CELSR1: variants seen among roughly 807,000 people sequenced by gnomAD.
The protein encoded by CELSR1 is adhesion G protein-coupled receptor C1.
In CELSR1, 110 loss-of-function variants were observed where a neutral mutation model predicts 249.1. The ratio of observed to expected loss-of-function variants is 0.44; its 90% CI spans 0.38 to 0.52. The LOEUF is 0.52. Among genes scored for constraint, CELSR1 ranks in the 20% least tolerant of loss-of-function variants. The probability of loss-of-function intolerance (pLI) is 0.00; values close to 1 mark genes in which losing one functional copy is unlikely to be tolerated. For missense variants in CELSR1, 4,109 were observed against 4,296.4 expected (o/e 0.96, Z 1.22); for synonymous variants, 2,113 against 1,900.0 (o/e 1.11, Z -2.92).
chr22:46,372,168 C>A, intron 25 of CELSR1, among the ~76,000 whole-genome samples: 1 of 151,130 alleles, frequency 6.6e-6, no homozygotes, highest in Non-Finnish European at 1.5e-5. Context: ...TACCCACTCA[C>A]TCACCCCTCA....
chr22:46,457,096 C>T (rs1375578720), intron 2 of CELSR1, among the ~76,000 whole-genome samples: 2 of 152,194 alleles, frequency 1.3e-5, no homozygotes, highest in Admixed American at 6.5e-5. Context: ...ACAGGGCCCA[C>T]AGCACTTTGG....
chr22:46,384,385 C>A (rs1421955545), intron 20 of CELSR1, among the ~76,000 whole-genome samples, 158 bp downstream of exon 20: 2 of 152,238 alleles, frequency 1.3e-5, no homozygotes, highest in African/African-American at 4.8e-5. Flanking sequence ...TTGAACAAAA[C>A]AACCTGCTGT....
At chr22:46,370,182 T>C (rs1388890962) in intron 25 of CELSR1, 3 of 461,898 alleles carry the variant, frequency 6.5e-6, no homozygotes, top group Admixed American at 2.4e-5. Context: ...CAGGAGGCCA[T>C]GATGGACCCA....
intron 1 of CELSR1, among the ~76,000 whole-genome samples, chr22:46,491,420 T>C (rs2080366084): frequency 6.6e-6 from 1 of 151,348 alleles, no homozygotes; most frequent in Non-Finnish European, 1.5e-5. Flanking sequence ...TCCACCACCA[T>C]ACCTGGCTAA....
intron 26 of CELSR1, 41 bp from the exon 27 acceptor site, chr22:46,369,299 A>C: frequency 6.5e-6 from 1 of 152,818 alleles, no homozygotes; most frequent in Admixed American, 9.6e-5. Context: ...CTCTCTCGTC[A>C]CTGCAGACCT....
At chr22:46,522,351 T>A (rs1358180340) in intron 1 of CELSR1, among the ~76,000 whole-genome samples, 1 of 152,152 alleles carries the variant, frequency 6.6e-6, no homozygotes, top group Non-Finnish European at 1.5e-5. Context: ...GCTCAAGCAA[T>A]CCTCCTGCCT....
chr22:46,392,918 C>A (rs993615363), intron 14 of CELSR1, among the ~76,000 whole-genome samples: 1 of 152,188 alleles, frequency 6.6e-6, no homozygotes, highest in African/African-American at 2.4e-5. Flanking sequence ...TCCCCATGTT[C>A]TCTCTGCTCT....
intron 5 of CELSR1, among the ~76,000 whole-genome samples, chr22:46,426,145 G>A (rs1042531149): frequency 6.6e-6 from 1 of 152,248 alleles, no homozygotes; most frequent in African/African-American, 2.4e-5. Context: ...GGGCGCAGCC[G>A]GGGAGGGGGC....
In CELSR1 at chr22:46,430,262, C is replaced by T. The variant is rs2079579616; in HGVS notation, c.4611+3131G>A. 6.6e-6 allele frequency among the ~76,000 whole-genome samples: 1 copy of T among 152,218 alleles called. No homozygotes were observed. The highest frequency in any genetic ancestry group is 1.5e-5 in the Non-Finnish European group (1 of 68,044). ...CAATGCTTCCACCCTCTCCAGACTG[C>T]TGTATGCTGAATTTTTTCAAGTATG... On this transcript the variant is annotated intron_variant, in intron 5 of 34. Transcript: ENST00000674500. This position sits in a 1 kb window ranked among gnomAD's most constrained non-coding sequence, Gnocchi z 4.6.
rs185740536 is a variant in CELSR1 at position 46,507,801 on chromosome 22, G to A, written c.3544+25826C>T. Among the ~76,000 whole-genome samples, 551 of 152,286 alleles carry A rather than the reference G, an allele frequency of 3.6e-3. 5 individuals are homozygous for A. The highest frequency in any genetic ancestry group is 0.013 in the African/African-American group (527 of 41,566). ...TACAGGTGAGCACTGTGAAGCCGGC[G>A]AGCCTGCCTCTTTCCCAGAACCTAA... On this transcript the variant is annotated intron_variant, in intron 1 of 34. Coordinates refer to ENST00000674500, the MANE Select transcript of CELSR1 (RefSeq NM_001378328.1).
At chr22:46,443,073 G>C (rs1037491965) in intron 2 of CELSR1, among the ~76,000 whole-genome samples, 8 of 152,042 alleles carry the variant, frequency 5.3e-5, no homozygotes, top group African/African-American at 1.7e-4. Context: ...ACTCCAGCCT[G>C]GGGGACAGAG....
chr22:46,521,434 G>A (rs1222295122), intron 1 of CELSR1, among the ~76,000 whole-genome samples: 1 of 152,036 alleles, frequency 6.6e-6, no homozygotes, highest in Non-Finnish European at 1.5e-5. Context: ...GAACCCGGGA[G>A]GCGGAGCTTG....
At chr22:46,462,469 C>T (rs1341484658) in intron 2 of CELSR1, among the ~76,000 whole-genome samples, 1 of 152,152 alleles carries the variant, frequency 6.6e-6, no homozygotes, top group East Asian at 1.9e-4. Flanking sequence ...TAAATACCTG[C>T]TAATACCTCA....
At position 46,537,051 on chromosome 22, in the gene CELSR1, G is replaced by T. The variant is rs1468328680; in HGVS notation, c.120C>A (p.Arg40=). The T allele has an allele frequency of 2.8e-6, 3 of 1,085,416 alleles. No homozygotes were observed. In the East Asian group the frequency reaches 2.1e-4, roughly 75 times the overall value. The allele number at this position is 1,085,416 out of a possible 1,614,324, so 67.2% of individuals were successfully genotyped here. A position where few individuals can be genotyped will look rare whatever the true frequency, so the allele number is the denominator to read the frequency against. Residue 40 remains arginine, a synonymous_variant, in exon 1 of 35, where the codon CGC becomes CGA. Transcript: ENST00000674500. This position sits in a 1 kb window ranked among gnomAD's most constrained non-coding sequence, Gnocchi z 5.8. ...AWEPRVPGGT[R]AFALRPGCTY... The stretch of plus-strand genomic sequence containing the variant: ...TACAGCCGGGCCGGAGGGCGAAGGC[G>T]CGGGTCCCGCCGGGTACGCGCGGCT...
At chr22:46,378,268 C>T (rs1006584539) in intron 23 of CELSR1, among the ~76,000 whole-genome samples, 2 of 152,172 alleles carry the variant, frequency 1.3e-5, no homozygotes, top group Middle Eastern at 3.4e-3. Context: ...GGGCAGGTTC[C>T]GAGAGCTCCT....
chr22:46,445,479 A>G lies in CELSR1; in HGVS notation c.4184-6068T>C, dbSNP rs1470324026. 1.3e-5 allele frequency among the ~76,000 whole-genome samples: 2 copies of G among 152,196 alleles called. No homozygotes were observed. Among genetic ancestry groups the G allele is most frequent in the African/African-American group, 4.8e-5 (2 of 41,444 alleles). ...CATTGCACTCCAGCCTGGGTGACAG[A>G]GCAAGACTGTCTCTAAAAAAATGAA... On this transcript the variant is annotated intron_variant, in intron 2 of 34. Transcript: ENST00000674500. The surrounding 1 kb of genome is among the most constrained non-coding windows in gnomAD (Gnocchi z 4.4).
At position 46,526,598 on chromosome 22, in the gene CELSR1, C is replaced by T. The variant is rs1315077788; in HGVS notation, c.3544+7029G>A. Among the ~76,000 whole-genome samples the T allele has an allele frequency of 2.0e-5, 3 of 152,226 alleles. No individual in the cohort carries two copies. Among genetic ancestry groups the T allele is most frequent in the East Asian group, 1.9e-4 (1 of 5,200 alleles). ...GTCCCCAGGCTCTCCAACCGCCAGA[C>T]GGCATCCATCACGGATGACCCCCTC... On this transcript the variant is annotated intron_variant, in intron 1 of 34. Transcript: ENST00000674500. This position sits in a 1 kb window ranked among gnomAD's most constrained non-coding sequence, Gnocchi z 4.7.
intron 1 of CELSR1, among the ~76,000 whole-genome samples, chr22:46,515,909 A>G (rs890925893): frequency 6.6e-6 from 1 of 152,252 alleles, no homozygotes; most frequent in Non-Finnish European, 1.5e-5. Flanking sequence ...ACAATGAGAT[A>G]TCATCTCACA....
rs1284213629 is a variant in CELSR1 at position 46,391,760 on chromosome 22, G to A, written c.6021C>T (p.Pro2007=). The stretch of plus-strand genomic sequence containing the variant: ...CGCAAGTGCGGCTGTGGGAGCCATG[G>A]GGGAAGCAGTCGCAGGGCAGACAGG... The part of the protein sequence containing the change: ...QDTCLPCDCF[P]HGSHSRTCDM... The change falls in exon 15 of 35, where the codon CCC becomes CCT. Residue 2007 remains proline, a synonymous_variant. Transcript: ENST00000674500. This position sits in a 1 kb window ranked among gnomAD's most constrained non-coding sequence, Gnocchi z 4.3. The A allele has an allele frequency of 1.2e-6, 2 of 1,612,862 alleles. No individual in the cohort carries two copies. The highest frequency in any genetic ancestry group is 1.7e-5 in the Admixed American group (1 of 59,962).
Sources: allele counts gnomAD v4.1 joint callset (sites outside exome capture counted in the v4.1 genomes callset), GRCh38; gene constraint gnomAD v4.1.1; non-coding constraint Gnocchi (gnomAD v3.1); transcripts MANE v1.5; gene names NCBI Gene and HGNC (gene_info 2026-07-23, HGNC 2026-07-21).